Variants in PHTF2 observed in about 807,000 individuals in gnomAD.
The protein encoded by PHTF2 is putative homeodomain transcription factor 2, also known as protein PHTF2.
A neutral mutation model predicts 101.2 loss-of-function variants in PHTF2; 60 were observed. That is an observed-to-expected ratio of 0.59 (90% confidence interval 0.48 to 0.73). PHTF2 has a LOEUF of 0.73. Among genes scored for constraint, PHTF2 ranks in the 30% least tolerant of loss-of-function variants. PHTF2 has a pLI of 0.00. For synonymous variants in PHTF2, 311 were observed against 307.3 expected (o/e 1.01, Z -0.13); for missense variants, 747 against 908.7 (o/e 0.82, Z 2.29).
chr7:77,934,763 A>G lies in PHTF2; in HGVS notation c.1339-2947A>G, dbSNP rs376951632. 7.2e-5 allele frequency among the ~76,000 whole-genome samples: 11 copies of G among 152,242 alleles called. No individual in the cohort carries two copies. The East Asian group carries it at 2.1e-3, about 29-fold the overall frequency. ...AGGAGTTCGAGACCAGCCTGGCAAC[A>G]TGGTGAAACTCCATCTCTATTAAAA... is the stretch of plus-strand genomic sequence containing the variant. On this transcript the variant is annotated intron_variant, in intron 12 of 19. Coordinates refer to ENST00000416283, the Ensembl canonical transcript of PHTF2.
rs559063610 is a variant in PHTF2 at position 77,954,779 on chromosome 7, TA to T, written c.2338-74del. 475 of 765,082 alleles carry T rather than the reference TA, an allele frequency of 6.2e-4. 10 individuals are homozygous for T. In the South Asian group the frequency reaches 7.4e-3, roughly 12 times the overall value. The allele number at this position is 765,082 out of a possible 1,614,324, so 47.4% of individuals were successfully genotyped here. ...CTTGTTTGTGAATGAAATTTGAATT[TA>T]AAAATGGTGTTATATGATATAATTT... On this transcript the variant is annotated intron_variant, in intron 19 of 19. Coordinates refer to ENST00000416283, the Ensembl canonical transcript of PHTF2.
chr7:77,954,222 C>G (rs763806194), intron 19 of PHTF2, among the ~76,000 whole-genome samples: 3 of 152,036 alleles, frequency 2.0e-5, no homozygotes, highest in Non-Finnish European at 4.4e-5. Flanking sequence ...CAACCTCTGC[C>G]TCCCGGGTTC....
chr7:77,953,734 G>T, intron 18 of PHTF2, 35 bp from the exon 18 acceptor site: 1 of 1,584,820 alleles, frequency 6.3e-7, no homozygotes, highest in East Asian at 2.2e-5. Context: ...AATTCTTTTT[G>T]AATCTGGGAC....
chr7:77,920,564 C>T, intron 10 of PHTF2, 99 bp downstream of exon 9: 2 of 800,654 alleles, frequency 2.5e-6, no homozygotes, highest in South Asian at 1.6e-5. Context: ...AGTATTTTCT[C>T]CAGAATTAAT....
chr7:77,811,586 AT>A (rs144499232), intron 1 of PHTF2, among the ~76,000 whole-genome samples: 1,891 of 152,320 alleles, frequency 0.012, 38 homozygotes, highest in African/African-American at 0.043. Flanking sequence ...CTACCTCTTT[AT>A]TCACTTACTT....
At chr7:77,813,816 T>C (rs779629546) in intron 1 of PHTF2, among the ~76,000 whole-genome samples, 1 of 152,188 alleles carries the variant, frequency 6.6e-6, no homozygotes, top group African/African-American at 2.4e-5. Flanking sequence ...AAAAGAATGT[T>C]AGAGGTAGTG....
chr7:77,801,397 C>T (rs1464421514), intron 1 of PHTF2, among the ~76,000 whole-genome samples: 2 of 151,976 alleles, frequency 1.3e-5, no homozygotes, highest in African/African-American at 4.8e-5. Context: ...ACCAGCCTGA[C>T]CAATATGAAA....
chr7:77,903,086 AT>A (rs1011100166), intron 7 of PHTF2, among the ~76,000 whole-genome samples: 4 of 151,308 alleles, frequency 2.6e-5, no homozygotes, highest in Non-Finnish European at 4.4e-5. Flanking sequence ...GAACAGCTAC[AT>A]TTTTTTTTAC....
intron 11 of PHTF2, 56 bp from the exon 11 acceptor site, chr7:77,929,053 T>C: frequency 7.7e-7 from 1 of 1,296,866 alleles, no homozygotes; most frequent in Non-Finnish European, 1.1e-6. Context: ...ATAGTATCCT[T>C]TGAGTTGGAA....
chr7:77,915,847 T>C (rs1212332039), intron 9 of PHTF2, among the ~76,000 whole-genome samples: 1 of 152,148 alleles, frequency 6.6e-6, no homozygotes, highest in African/African-American at 2.4e-5. Context: ...TTCAAGAAAC[T>C]ACTAGCCTTG....
At chr7:77,911,245 C>G (rs188634746) in intron 9 of PHTF2, among the ~76,000 whole-genome samples, 1 of 151,774 alleles carries the variant, frequency 6.6e-6, no homozygotes, top group East Asian at 1.9e-4. Context: ...ACAAAAATGG[C>G]TTTTTGCATA....
intron 3 of PHTF2, among the ~76,000 whole-genome samples, chr7:77,856,682 CT>C (rs550131293): frequency 5.3e-5 from 8 of 151,888 alleles, no homozygotes; most frequent in Non-Finnish European, 8.8e-5. Context: ...CATGTGCAGA[CT>C]TTTTTTTCCT....
exon 12 of PHTF2, chr7:77,929,199 G>A: frequency 6.2e-7 from 1 of 1,613,600 alleles, no homozygotes; most frequent in African/African-American, 1.3e-5. Context: ...TGAAACAGAA[G>A]ATGTGTTATG....
chr7:77,859,867 GC>G (rs1347077418), intron 3 of PHTF2, among the ~76,000 whole-genome samples: 1 of 152,138 alleles, frequency 6.6e-6, no homozygotes, highest in African/African-American at 2.4e-5. Context: ...GAGCCACCAT[GC>G]CTGGTACCTA....
At chr7:77,869,399 A>C (rs974819995) in intron 3 of PHTF2, among the ~76,000 whole-genome samples, 4 of 152,150 alleles carry the variant, frequency 2.6e-5, no homozygotes, top group Non-Finnish European at 1.5e-5. Context: ...CCATTAACCA[A>C]ACTTTCTTTA....
intron 8 of PHTF2, chr7:77,909,528 T>TTTTTA (rs1379256401): frequency 6.6e-6 from 1 of 152,024 alleles, no homozygotes; most frequent in Non-Finnish European, 1.5e-5. Flanking sequence ...ACCTGACTAG[T>TTTTTA]TTTTTTATTT....
At chr7:77,925,457 A>G (rs964578590) in intron 11 of PHTF2, among the ~76,000 whole-genome samples, 1 of 106,570 alleles carries the variant, frequency 9.4e-6, no homozygotes, top group Non-Finnish European at 2.0e-5. Flanking sequence ...GTAAAATTCT[A>G]TTTGAAATTT....
intron 16 of PHTF2, among the ~76,000 whole-genome samples, chr7:77,946,297 T>C (rs1045451163): frequency 1.3e-5 from 2 of 152,202 alleles, no homozygotes; most frequent in African/African-American, 4.8e-5. Context: ...TCTGATAAAG[T>C]ATATCTTTTA....
At chr7:77,938,459 G>A (rs1311920515) in intron 13 of PHTF2, among the ~76,000 whole-genome samples, 2 of 152,080 alleles carry the variant, frequency 1.3e-5, no homozygotes, top group African/African-American at 4.8e-5. Flanking sequence ...GGCCGGGCGC[G>A]GTGGCTCACG....
Sources: allele counts gnomAD v4.1 joint callset (sites outside exome capture counted in the v4.1 genomes callset), GRCh38; gene constraint gnomAD v4.1.1; transcripts MANE v1.5; gene names NCBI Gene and HGNC (gene_info 2026-07-23, HGNC 2026-07-21).